PTPRD: variants seen among roughly 807,000 people sequenced by gnomAD.
PTPRD encodes the protein protein tyrosine phosphatase receptor type D, also known as receptor-type tyrosine-protein phosphatase delta.
PTPRD carries 34 observed loss-of-function variants against 214.5 expected under a neutral mutation model. The ratio of observed to expected loss-of-function variants is 0.16; its 90% CI spans 0.12 to 0.21. PTPRD has a LOEUF of 0.21. Among genes scored for constraint, PTPRD ranks in the 10% least tolerant of loss-of-function variants. The pLI is 1.00. For missense variants in PTPRD, 2,545 were observed against 2,398.7 expected, an observed-to-expected ratio of 1.06 and a Z score of -1.27; for synonymous variants, 1,128 against 845.7, an observed-to-expected ratio of 1.33 and a Z score of -5.79.
At chr9:8,434,215 C>T (rs938587271) in intron 35 of PTPRD, among the ~76,000 whole-genome samples, 1 of 152,196 alleles carries the variant, frequency 6.6e-6, no homozygotes, top group Non-Finnish European at 1.5e-5. Flanking sequence ...CTCCTGAACT[C>T]AGGTGATCCA....
intron 11 of PTPRD, among the ~76,000 whole-genome samples, chr9:8,981,229 T>TA (rs550085079): frequency 0.041 from 6,225 of 151,156 alleles, 186 homozygotes; most frequent in Non-Finnish European, 0.066. Flanking sequence ...GCATAGAGAT[T>TA]AAAAAAAAAG....
intron 11 of PTPRD, among the ~76,000 whole-genome samples, chr9:8,932,186 C>G (rs2098957611): frequency 6.6e-6 from 1 of 152,016 alleles, no homozygotes; most frequent in African/African-American, 2.4e-5. Flanking sequence ...TTAAGTGTTT[C>G]TTGCCTTCTG....
chr9:9,846,685 C>A (rs1408116), intron 5 of PTPRD, among the ~76,000 whole-genome samples: 58,102 of 151,878 alleles, frequency 0.38, 12,636 homozygotes, highest in East Asian at 0.77. Flanking sequence ...GAAAGCTACC[C>A]AGCTTGTTAT....
In PTPRD at chr9:10,210,656, C is replaced by CAT. The variant is rs550743547; in HGVS notation, c.-545+130305_-545+130306dup. ...CTGTATATATACATATATATACACA[C>CAT]ATATGTTTATATATGTATATGTTTA... On this transcript the variant is annotated intron_variant, in intron 3 of 45. Transcript: ENST00000381196. Among the ~76,000 whole-genome samples the CAT allele has an allele frequency of 1.4e-3, 216 of 149,748 alleles. 4 individuals carry two copies. The South Asian group carries it at 0.036, about 25-fold the overall frequency.
intron 7 of PTPRD, among the ~76,000 whole-genome samples, chr9:9,643,412 C>T (rs549750089): frequency 6.6e-6 from 1 of 152,118 alleles, no homozygotes; most frequent in African/African-American, 2.4e-5. Flanking sequence ...TTTGTAACTC[C>T]AGGACTGTTA....
intron 2 of PTPRD, among the ~76,000 whole-genome samples, chr9:10,561,640 G>A (rs1260935660): frequency 6.6e-6 from 1 of 152,120 alleles, no homozygotes; most frequent in Non-Finnish European, 1.5e-5. Flanking sequence ...AGTTCAAAGT[G>A]CAATAGACAG....
At chr9:9,100,858 T>C (rs965256551) in intron 10 of PTPRD, among the ~76,000 whole-genome samples, 2 of 152,146 alleles carry the variant, frequency 1.3e-5, no homozygotes, top group Non-Finnish European at 2.9e-5. Flanking sequence ...ATTATTAACA[T>C]TGATTTCCAA....
Position 8,484,025 on chromosome 9 carries a change from A to G in PTPRD, c.3413+94T>C, listed in dbSNP as rs1006291021. The stretch of plus-strand genomic sequence containing the variant: ...AGAAGAATCTTTCACTACATTAAGC[A>G]GTATCTTCTTTTACGACCTCTATAA... On this transcript the variant is annotated intron_variant, in intron 30 of 45. Coordinates refer to ENST00000381196, the MANE Select transcript of PTPRD (RefSeq NM_002839.4). 6 of 1,453,662 alleles carry G rather than the reference A, an allele frequency of 4.1e-6. No homozygotes were observed. The Admixed American group carries it at 6.3e-5, about 15-fold the overall frequency. 90.0% of individuals were successfully genotyped at this position (1,453,662 alleles called of 1,614,324 possible). A position where few individuals can be genotyped will look rare whatever the true frequency, so the allele number is the denominator to read the frequency against.
chr9:9,568,097 T>A (rs1038383386), intron 8 of PTPRD, among the ~76,000 whole-genome samples: 1 of 151,844 alleles, frequency 6.6e-6, no homozygotes, highest in Non-Finnish European at 1.5e-5. Context: ...CCTGATTATG[T>A]CATTGAGTCA....
At chr9:9,020,202 A>G (rs926161478) in intron 10 of PTPRD, among the ~76,000 whole-genome samples, 1 of 152,214 alleles carries the variant, frequency 6.6e-6, no homozygotes, top group Non-Finnish European at 1.5e-5. Flanking sequence ...ATATTATATG[A>G]TAATTATACC....
At chr9:10,323,738 G>T (rs867117234) in intron 3 of PTPRD, among the ~76,000 whole-genome samples, 3 of 151,898 alleles carry the variant, frequency 2.0e-5, no homozygotes, top group Non-Finnish European at 4.4e-5. Context: ...GCTGAAAGAC[G>T]ATTTATGCAT....
intron 22 of PTPRD, among the ~76,000 whole-genome samples, chr9:8,505,478 C>T (rs1270278029): frequency 2.6e-5 from 4 of 151,380 alleles, no homozygotes; most frequent in Admixed American, 6.6e-5. Context: ...AAAAATTAGC[C>T]GGGTGTGGTG....
At chr9:9,439,514 G>A (rs1433210532) in intron 8 of PTPRD, among the ~76,000 whole-genome samples, 1 of 152,136 alleles carries the variant, frequency 6.6e-6, no homozygotes, top group Non-Finnish European at 1.5e-5. Flanking sequence ...ACCGGAAACA[G>A]ATCATTTTCA....
chr9:10,260,489 T>G (rs1462580247), intron 3 of PTPRD, among the ~76,000 whole-genome samples: 4 of 152,172 alleles, frequency 2.6e-5, no homozygotes, highest in Admixed American at 2.6e-4. Context: ...GCATTCCAAC[T>G]AAGATGTATT....
intron 11 of PTPRD, among the ~76,000 whole-genome samples, chr9:8,886,672 T>C (rs2098491323): frequency 6.6e-6 from 1 of 152,212 alleles, no homozygotes; most frequent in Non-Finnish European, 1.5e-5. Flanking sequence ...GAATTTTTTC[T>C]GCAGTCAGCA....
chr9:9,120,385 A>G (rs1390791726), intron 10 of PTPRD, among the ~76,000 whole-genome samples: 1 of 152,216 alleles, frequency 6.6e-6, no homozygotes, highest in African/African-American at 2.4e-5. Flanking sequence ...AAAGCTCTAA[A>G]AAGAACCTCC....
At chr9:9,740,361 A>ATTTTTTTTTT (rs35876773) in intron 6 of PTPRD, among the ~76,000 whole-genome samples, 2 of 145,624 alleles carry the variant, frequency 1.4e-5, no homozygotes, top group African/African-American at 5.1e-5. Context: ...TAAAACTACT[A>ATTTTTTTTTT]TTTTTTTTTT....
At chr9:9,738,440 T>G (rs1355398585) in intron 6 of PTPRD, among the ~76,000 whole-genome samples, 1 of 25,400 alleles carries the variant, frequency 3.9e-5, no homozygotes, top group Admixed American at 3.8e-4. Context: ...ACTCACTCAC[T>G]TTTTTTTTTT....
intron 12 of PTPRD, among the ~76,000 whole-genome samples, chr9:8,733,393 C>T (rs149774947): frequency 2.6e-5 from 4 of 152,210 alleles, no homozygotes; most frequent in Non-Finnish European, 4.4e-5. Context: ...TTTCTAAACA[C>T]GGAATGATCC....
Sources: allele counts gnomAD v4.1 joint callset (sites outside exome capture counted in the v4.1 genomes callset), GRCh38; gene constraint gnomAD v4.1.1; transcripts MANE v1.5; gene names NCBI Gene and HGNC (gene_info 2026-07-23, HGNC 2026-07-21).